SLC35F1: variants seen among roughly 807,000 people sequenced by gnomAD.
SLC35F1 encodes the protein solute carrier family 35 member F1.
Under a neutral mutation model 48.7 loss-of-function variants are expected in SLC35F1, and 14 were observed. The observed-to-expected ratio is 0.29, with a 90% CI of 0.19 to 0.45. The LOEUF (loss-of-function observed/expected upper bound fraction) is 0.45, where lower values mean the gene tolerates loss of function less well. Among genes scored for constraint, SLC35F1 ranks in the 20% least tolerant of loss-of-function variants. The probability of loss-of-function intolerance (pLI) is 1.00; values close to 1 mark genes in which losing one functional copy is unlikely to be tolerated. For missense variants in SLC35F1, 404 were observed against 500.0 expected (o/e 0.81, Z 1.83); for synonymous variants, 190 against 202.2 (o/e 0.94, Z 0.51).
intron 3 of SLC35F1, among the ~76,000 whole-genome samples, chr6:118,238,744 G>A (rs758869887): frequency 5.3e-5 from 8 of 152,114 alleles, no homozygotes; most frequent in Non-Finnish European, 1.2e-4. Context: ...GTCTAGCACT[G>A]TATTCTGATT....
At chr6:118,235,853 G>C (rs1273499010) in intron 3 of SLC35F1, among the ~76,000 whole-genome samples, 1 of 152,002 alleles carries the variant, frequency 6.6e-6, no homozygotes, top group African/African-American at 2.4e-5. Context: ...TTATTTATAT[G>C]TCTTAATAAT....
At chr6:117,930,039 A>T (rs1382103080) in intron 1 of SLC35F1, among the ~76,000 whole-genome samples, 1 of 152,214 alleles carries the variant, frequency 6.6e-6, no homozygotes, top group East Asian at 1.9e-4. Flanking sequence ...CCAAAGTCAC[A>T]TAGATACCAA....
intron 2 of SLC35F1, among the ~76,000 whole-genome samples, chr6:118,232,529 CAA>C (rs200009006): frequency 0.045 from 4,643 of 104,304 alleles, 120 homozygotes; most frequent in Middle Eastern, 0.13. Context: ...GCCTGGGTGA[CAA>C]GAGTGAAACT....
At chr6:118,021,331 ATCAAGTAAAGCCTT>A (rs1777391178) in intron 1 of SLC35F1, among the ~76,000 whole-genome samples, 1 of 152,182 alleles carries the variant, frequency 6.6e-6, no homozygotes, top group East Asian at 1.9e-4. Flanking sequence ...ACAATTAGGG[ATCAAGTAAAGCCTT>A]TCATCTAGTG....
intron 1 of SLC35F1, among the ~76,000 whole-genome samples, chr6:118,096,169 C>T (rs1189404362): frequency 2.0e-5 from 3 of 152,162 alleles, no homozygotes; most frequent in Non-Finnish European, 4.4e-5. Flanking sequence ...AAAAGAATTG[C>T]TAATTCAGGG....
intron 1 of SLC35F1, among the ~76,000 whole-genome samples, chr6:118,061,533 A>C (rs1323015285): frequency 6.6e-6 from 1 of 151,888 alleles, no homozygotes; most frequent in Non-Finnish European, 1.5e-5. Flanking sequence ...AGCTGTAGGT[A>C]TAAACATAGA....
intron 1 of SLC35F1, among the ~76,000 whole-genome samples, chr6:118,089,344 G>C (rs1284555935): frequency 6.6e-6 from 1 of 152,120 alleles, no homozygotes; most frequent in Non-Finnish European, 1.5e-5. Context: ...GCCATGAGAA[G>C]GTTCATCCTT....
chr6:118,255,665 G>A (rs554007901), intron 3 of SLC35F1, among the ~76,000 whole-genome samples: 5 of 152,254 alleles, frequency 3.3e-5, no homozygotes, highest in South Asian at 2.1e-4. Context: ...TAGAAAGTTC[G>A]GATGACTGGC....
intron 2 of SLC35F1, among the ~76,000 whole-genome samples, chr6:118,225,961 A>C (rs201612616): frequency 1.3e-5 from 2 of 151,618 alleles, no homozygotes; most frequent in African/African-American, 4.8e-5. Flanking sequence ...ATATTTGGAA[A>C]TATTTATTTT....
In SLC35F1 at chr6:118,272,767, A is replaced by ATATATATATATATATG. The variant is rs1289997076; in HGVS notation, c.638-2682_638-2681insTATATGTATATATATA. ...TATATATACATATATATATATATGTATATATATATACCATTTTTTAGCATA... is the reference window on the plus strand; with the variant it reads ...TATATATACATATATATATATATGTATATATATATATATATGTATATATATACCATTTTTTAGCATA... On this transcript the variant is annotated intron_variant, in intron 4 of 7. Transcript: ENST00000360388. Among the ~76,000 whole-genome samples the ATATATATATATATATG allele has an allele frequency of 3.7e-3, 508 of 135,622 alleles. 4 individuals carry two copies. The highest frequency in any genetic ancestry group is 0.014 in the African/African-American group (473 of 33,924). 89.0% of individuals were successfully genotyped at this position (135,622 alleles called of 152,430 possible).
intron 3 of SLC35F1, among the ~76,000 whole-genome samples, chr6:118,257,160 GTC>G (rs60219062): frequency 1.7e-3 from 251 of 147,156 alleles, no homozygotes; most frequent in Non-Finnish European, 1.7e-3. Flanking sequence ...GGAAAAAACT[GTC>G]TCTCTCTCTC....
chr6:118,251,035 C>G (rs890355545), intron 3 of SLC35F1, among the ~76,000 whole-genome samples: 1 of 152,082 alleles, frequency 6.6e-6, no homozygotes, highest in Non-Finnish European at 1.5e-5. Context: ...TTCCTGTAAT[C>G]CCAGCACTTT....
rs942048510 is a variant in SLC35F1 at position 118,186,444 on chromosome 6, T to C, written c.349+31824T>C. Reference sequence around the variant, plus strand: ...CAAAGCATGTTTTACTTCAGGTTCCTTTATTTTATGCATTGCCATAGCTGC... The same window carrying C: ...CAAAGCATGTTTTACTTCAGGTTCCCTTATTTTATGCATTGCCATAGCTGC... On this transcript the variant is annotated intron_variant, in intron 2 of 7. Transcript: ENST00000360388. Among the ~76,000 whole-genome samples the C allele has an allele frequency of 2.6e-5, 4 of 151,782 alleles. No individual in the cohort carries two copies. In the South Asian group the frequency reaches 6.2e-4, roughly 24 times the overall value.
At chr6:117,932,321 A>G (rs574722809) in intron 1 of SLC35F1, among the ~76,000 whole-genome samples, 4 of 152,200 alleles carry the variant, frequency 2.6e-5, no homozygotes, top group Non-Finnish European at 5.9e-5. Context: ...TAAGAAATAC[A>G]TTTCAATTTT....
chr6:118,282,095 T>C (rs2114638082), intron 6 of SLC35F1, among the ~76,000 whole-genome samples: 1 of 152,356 alleles, frequency 6.6e-6, no homozygotes, highest in East Asian at 1.9e-4. Context: ...ATAAATGTAG[T>C]TACTGCAGCC....
At chr6:118,304,191 T>C (rs1776285901) in intron 7 of SLC35F1, among the ~76,000 whole-genome samples, 1 of 152,018 alleles carries the variant, frequency 6.6e-6, no homozygotes, top group Non-Finnish European at 1.5e-5. Flanking sequence ...GTAAACAGAA[T>C]AGAAAATTAT....
rs535371157 is a variant in SLC35F1, at chr6:117,919,569, G to C, written c.173+11670G>C. The stretch of plus-strand genomic sequence containing the variant: ...CTTTGATGCATAGTCCCTACTCTGG[G>C]GACTGTCGTTTTTGTCATGAGCCTT... On this transcript the variant is annotated intron_variant, in intron 1 of 7. Transcript: ENST00000360388. Among the ~76,000 whole-genome samples, 120 of 152,024 alleles carry C rather than the reference G, an allele frequency of 7.9e-4. 2 individuals carry two copies. In the South Asian group the frequency reaches 0.024, roughly 30 times the overall value.
At chr6:118,307,773 G>C (rs371471784) in intron 7 of SLC35F1, among the ~76,000 whole-genome samples, 68 of 152,310 alleles carry the variant, frequency 4.5e-4, no homozygotes, top group African/African-American at 1.5e-3. Flanking sequence ...AGTGGCAATA[G>C]ATCAGGACCT....
At chr6:117,975,091 C>A (rs578152741) in intron 1 of SLC35F1, among the ~76,000 whole-genome samples, 2 of 152,176 alleles carry the variant, frequency 1.3e-5, no homozygotes, top group Non-Finnish European at 2.9e-5. Context: ...GAATCCATAG[C>A]CTCTGAGTTT....
Sources: allele counts gnomAD v4.1 joint callset (sites outside exome capture counted in the v4.1 genomes callset), GRCh38; gene constraint gnomAD v4.1.1; transcripts MANE v1.5; gene names NCBI Gene and HGNC (gene_info 2026-07-23, HGNC 2026-07-21).